CHST6: variants seen among roughly 807,000 people sequenced by gnomAD.
CHST6 encodes N-acetylglucosamine 6-O-sulfotransferase 5.
For synonymous variants in CHST6, 309 were observed against 276.4 expected (o/e 1.12, Z -1.17); for missense variants, 698 against 586.2 (o/e 1.19, Z -1.97).
intron 1 of CHST6, among the ~76,000 whole-genome samples, chr16:75,486,567 C>A (rs1476777040): frequency 1.3e-5 from 2 of 152,224 alleles, no homozygotes; most frequent in Non-Finnish European, 1.5e-5. Flanking sequence ...GACATCTGCT[C>A]AACTGCAATT....
chr16:75,479,813 C>CCGCACAGCAT lies in CHST6; in HGVS notation c.15_16insATGCTGTGCG (p.Val6MetfsTer106), dbSNP rs772297247. The CCGCACAGCAT allele has an allele frequency of 1.3e-5, 20 of 1,561,822 alleles. No individual in the cohort carries two copies. The highest frequency in any genetic ancestry group is 1.9e-5 in the Admixed American group (1 of 51,802). ...AGCGCGGTCACTGCTGTGCTGGAGA[C>CCGCACAGCAT]GCGCGGCAGCCACATGCTGACTGCT... On this transcript the variant is annotated frameshift_variant, in exon 3 of 3. Transcript: ENST00000332272. LOFTEE classifies it low-confidence loss of function (END_TRUNC).
intron 1 of CHST6, among the ~76,000 whole-genome samples, chr16:75,483,803 T>C (rs907479868): frequency 1.4e-5 from 2 of 143,656 alleles, no homozygotes; most frequent in Non-Finnish European, 1.5e-5. Flanking sequence ...GCGGGTGAAT[T>C]GCTTGGGCCC....
intron 1 of CHST6, among the ~76,000 whole-genome samples, chr16:75,482,571 G>T (rs2080153693): frequency 6.6e-6 from 1 of 152,126 alleles, no homozygotes; most frequent in Non-Finnish European, 1.5e-5. Context: ...TGTCACACAT[G>T]TCTCACAGGG....
At chr16:75,481,657 G>A (rs1007986164) in intron 2 of CHST6, among the ~76,000 whole-genome samples, 160 bp downstream of exon 2, 3 of 152,318 alleles carry the variant, frequency 2.0e-5, no homozygotes, top group Middle Eastern at 3.4e-3. Context: ...TGCCATCACC[G>A]GTAGGGGGTG....
rs983532245 is a variant in CHST6, at chr16:75,479,720, C to T, written c.109G>A (p.Gly37Ser). 17 of 1,608,662 alleles carry T rather than the reference C, an allele frequency of 1.1e-5. No homozygotes were observed. Among genetic ancestry groups the T allele is most frequent in the Non-Finnish European group, 1.4e-5 (17 of 1,177,544 alleles). The change falls in exon 3 of 3, where the codon GGC (glycine) becomes AGC (serine). Residue 37 changes from glycine (G) to serine (S), a missense_variant. Transcript: ENST00000332272. ...SRPGPSSPAGGEARVHVLVLS... is the reference protein window; with the variant it reads ...SRPGPSSPAGSEARVHVLVLS... ...ACCAGCACATGCACGCGCGCCTCGCCGCCTGCTGGGGACGAGGGCCCTGGC... is the reference window on the plus strand; with the variant it reads ...ACCAGCACATGCACGCGCGCCTCGCTGCCTGCTGGGGACGAGGGCCCTGGC...
rs563938881 is a variant in CHST6, at chr16:75,486,085, T to A, written c.-91-4194A>T. Among the ~76,000 whole-genome samples the A allele has an allele frequency of 1.5e-4, 23 of 152,240 alleles. 1 individual carries two copies. Among genetic ancestry groups the A allele is most frequent in the African/African-American group, 5.5e-4 (23 of 41,556 alleles). The stretch of plus-strand genomic sequence containing the variant: ...ATCAGTGTTCATCAAACAAGCTCCA[T>A]CTCTCCCAACTCCCTCACCCATGCT... On this transcript the variant is annotated intron_variant, in intron 1 of 2. Coordinates refer to ENST00000332272, the MANE Select transcript of CHST6 (RefSeq NM_021615.5).
In CHST6 at chr16:75,473,770, C is replaced by G. The variant is rs1357108555; in HGVS notation, c.*4871G>C. On this transcript the variant is annotated 3_prime_UTR_variant, in exon 3 of 3. Coordinates refer to ENST00000332272, the MANE Select transcript of CHST6 (RefSeq NM_021615.5). ...GTTGTCCTTGGTCATCCTATCTCTA[C>G]AAATTTATTGTATTTTTTAAAAATG... 10 of 152,196 alleles carry G rather than the reference C, an allele frequency of 6.6e-5. No individual in the cohort carries two copies. Among genetic ancestry groups the G allele is most frequent in the Admixed American group, 5.9e-4 (9 of 15,276 alleles). The allele number at this position is 152,196 out of a possible 1,614,324, so 9.4% of individuals were successfully genotyped here.
chr16:75,489,515 T>C (rs932277933), intron 1 of CHST6, among the ~76,000 whole-genome samples: 1 of 151,138 alleles, frequency 6.6e-6, no homozygotes, highest in Non-Finnish European at 1.5e-5. Context: ...CTTCGCTACA[T>C]AGTGTCAAGT....
intron 1 of CHST6, among the ~76,000 whole-genome samples, chr16:75,484,164 C>G (rs1032109503): frequency 4.0e-5 from 6 of 151,626 alleles, no homozygotes; most frequent in Admixed American, 6.6e-5. Flanking sequence ...ATGGTGAAAC[C>G]CCGTCTCTAC....
chr16:75,488,187 G>C (rs1395583018), intron 1 of CHST6, among the ~76,000 whole-genome samples: 2 of 152,094 alleles, frequency 1.3e-5, no homozygotes, highest in East Asian at 1.9e-4. Flanking sequence ...AAGCCACCTG[G>C]GCACGGTGGC....
rs542993652 is a variant in CHST6, at chr16:75,486,098, C to T, written c.-91-4207G>A. ...AAACAAGCTCCATCTCTCCCAACTC[C>T]CTCACCCATGCTATGAGTGCGCAGC... On this transcript the variant is annotated intron_variant, in intron 1 of 2. Coordinates refer to ENST00000332272, the MANE Select transcript of CHST6 (RefSeq NM_021615.5). 3.9e-5 allele frequency among the ~76,000 whole-genome samples: 6 copies of T among 152,338 alleles called. No individual in the cohort carries two copies. In the South Asian group the frequency reaches 1.2e-3, roughly 32 times the overall value.
chr16:75,478,756 T>G lies in CHST6; in HGVS notation c.1073A>C (p.Tyr358Ser). 1 of 1,613,504 alleles carries G rather than the reference T, an allele frequency of 6.2e-7. No individual in the cohort carries two copies. The highest frequency in any genetic ancestry group is 8.5e-7 in the Non-Finnish European group (1 of 1,180,002). The change falls in exon 3 of 3, where the codon TAC (tyrosine) becomes TCC (serine). Residue 358 changes from tyrosine to serine, a missense_variant. By Grantham distance (144) the Tyr-to-Ser change is moderately radical (BLOSUM62 -2). Transcript: ENST00000332272. Reference protein sequence around the residue: ...LCAGALQLLGYRPVYSEDEQR... With the variant: ...LCAGALQLLGSRPVYSEDEQR... The stretch of plus-strand genomic sequence containing the variant: ...CTCGTCCTCAGAGTACACAGGCCGG[T>G]AGCCCAGCAGCTGCAGCGCACCAGC...
chr16:75,486,475 T>C (rs1257662368), intron 1 of CHST6, among the ~76,000 whole-genome samples: 3 of 152,234 alleles, frequency 2.0e-5, no homozygotes, highest in East Asian at 3.8e-4. Context: ...AAGGGTCATG[T>C]GTCCCAAGAC....
chr16:75,480,568 T>C (rs2080129177), intron 2 of CHST6, among the ~76,000 whole-genome samples: 2 of 85,192 alleles, frequency 2.3e-5, no homozygotes, highest in Admixed American at 1.4e-4. Flanking sequence ...CTGCAGTGTA[T>C]GATTTTTTTT....
At chr16:75,482,384 C>A (rs2738814) in intron 1 of CHST6, among the ~76,000 whole-genome samples, 102,074 of 151,932 alleles carry the variant, frequency 0.67, 34,489 homozygotes, top group Admixed American at 0.73. Context: ...CCCTATCTCT[C>A]CTAAAAATAC....
chr16:75,488,751 A>C (rs1015610120), intron 1 of CHST6, among the ~76,000 whole-genome samples: 5 of 151,916 alleles, frequency 3.3e-5, no homozygotes, highest in Non-Finnish European at 7.4e-5. Context: ...TGGGAGGCCA[A>C]GGTGGGTGGA....
rs1555501738 is a variant in CHST6 at position 75,491,190 on chromosome 16, A to AATATATAT, written c.-92+3742_-92+3749dup. ...TAAAAAAAAAAAAAAAAAAAAAAAA[A>AATATATAT]ATATATATATATATATATATATATA... is the stretch of plus-strand genomic sequence containing the variant. On this transcript the variant is annotated intron_variant, in intron 1 of 2. Coordinates refer to ENST00000332272, the MANE Select transcript of CHST6 (RefSeq NM_021615.5). Among the ~76,000 whole-genome samples, 433 of 49,980 alleles carry AATATATAT rather than the reference A, an allele frequency of 8.7e-3. 5 individuals carry two copies. The highest frequency in any genetic ancestry group is 0.045 in the Middle Eastern group (2 of 44). The allele number at this position is 49,980 out of a possible 152,430, so 32.8% of individuals were successfully genotyped here.
Position 75,478,409 on chromosome 16 carries a change from G to A in CHST6, c.*232C>T. ...TGTGCCCAGAGGAGGAGGGGCAAGA[G>A]TTGCTTTCCATGAAGAGTGCACCTG... On this transcript the variant is annotated 3_prime_UTR_variant, in exon 3 of 3. Transcript: ENST00000332272. 5 of 576,724 alleles carry A rather than the reference G, an allele frequency of 8.7e-6. No homozygotes were observed. Among genetic ancestry groups the A allele is most frequent in the South Asian group, 8.0e-5 (4 of 49,862 alleles). The allele number at this position is 576,724 out of a possible 1,614,324, so 35.7% of individuals were successfully genotyped here. A position where few individuals can be genotyped will look rare whatever the true frequency, so the allele number is the denominator to read the frequency against.
chr16:75,493,265 C>T (rs1480843983), intron 1 of CHST6, among the ~76,000 whole-genome samples: 1 of 151,960 alleles, frequency 6.6e-6, no homozygotes, highest in African/African-American at 2.4e-5. Flanking sequence ...AATCCCAGCA[C>T]TTTGCGAGGC....
Sources: gnomAD v4.1 joint callset for allele counts (sites outside exome capture counted in the v4.1 genomes callset) on GRCh38, gnomAD v4.1.1 for gene constraint, MANE v1.5 for transcripts, NCBI Gene and HGNC (gene_info 2026-07-23, HGNC 2026-07-21) for gene names.